Variants in PXDNL observed in about 807,000 individuals in gnomAD.
PXDNL encodes the protein probable oxidoreductase PXDNL.
A neutral mutation model predicts 150.8 loss-of-function variants in PXDNL; 145 were observed. That is an observed-to-expected ratio of 0.96 (90% CI 0.84 to 1.10). The LOEUF is 1.10. Ranked by LOEUF, PXDNL falls within the 50% of genes least tolerant of loss-of-function variation. The probability of loss-of-function intolerance (pLI) is 0.00; values close to 1 mark genes in which losing one functional copy is unlikely to be tolerated. For missense variants in PXDNL, 2,087 were observed against 1,873.9 expected (o/e 1.11, Z -2.10); for synonymous variants, 757 against 725.7 (o/e 1.04, Z -0.69).
At chr8:51,559,648 T>C in intron 3 of PXDNL, among the ~76,000 whole-genome samples, 1 of 151,920 alleles carries the variant, frequency 6.6e-6, no homozygotes, top group Non-Finnish European at 1.5e-5. Flanking sequence ...TTTTTACAGA[T>C]GAAGGGACTC....
chr8:51,582,893 T>TCAG (rs1489217830), intron 3 of PXDNL, among the ~76,000 whole-genome samples: 1 of 148,278 alleles, frequency 6.7e-6, no homozygotes, highest in East Asian at 2.0e-4. Context: ...AAAAAAAAAA[T>TCAG]CCTGGTAAAC....
At chr8:51,481,897 G>A (rs1439469598) in intron 6 of PXDNL, among the ~76,000 whole-genome samples, 1 of 152,218 alleles carries the variant, frequency 6.6e-6, no homozygotes, top group East Asian at 1.9e-4. Context: ...TTTGCTGCAG[G>A]GGTGGGGCCC....
intron 12 of PXDNL, among the ~76,000 whole-genome samples, chr8:51,428,602 A>G (rs917240342): frequency 6.6e-6 from 1 of 152,232 alleles, no homozygotes; most frequent in Admixed American, 6.5e-5. Context: ...AAAGAGCAGA[A>G]GCAGTTCACT....
intron 19 of PXDNL, among the ~76,000 whole-genome samples, chr8:51,366,869 G>A (rs58144747): frequency 0.1 from 15,678 of 151,942 alleles, 1,037 homozygotes; most frequent in East Asian, 0.28. Context: ...TTGGGAGGCC[G>A]AGGCAGGCAG....
At chr8:51,464,241 G>A (rs1810153027) in intron 8 of PXDNL, among the ~76,000 whole-genome samples, 1 of 152,144 alleles carries the variant, frequency 6.6e-6, no homozygotes, top group Non-Finnish European at 1.5e-5. Context: ...GCATGTGCCT[G>A]TAGTCTCAGC....
intron 4 of PXDNL, among the ~76,000 whole-genome samples, chr8:51,532,157 C>T (rs1811920660): frequency 6.6e-6 from 1 of 152,172 alleles, no homozygotes; most frequent in African/African-American, 2.4e-5. Context: ...ATAGCCTTCG[C>T]ATTAGAGGCA....
intron 17 of PXDNL, among the ~76,000 whole-genome samples, chr8:51,385,025 G>A (rs965546459): frequency 2.0e-5 from 3 of 152,142 alleles, no homozygotes; most frequent in Non-Finnish European, 4.4e-5. Context: ...TTGAGACTGA[G>A]ATAGACTTCC....
chr8:51,347,912 AT>A (rs967782873), intron 19 of PXDNL, among the ~76,000 whole-genome samples: 15 of 152,286 alleles, frequency 9.8e-5, no homozygotes, highest in Non-Finnish European at 1.3e-4. Context: ...TAAAAAAAAA[AT>A]ACATAGAAAT....
chr8:51,488,978 G>T (rs538374368), intron 5 of PXDNL, among the ~76,000 whole-genome samples: 1 of 151,984 alleles, frequency 6.6e-6, no homozygotes, highest in East Asian at 1.9e-4. Context: ...AAGACAAATC[G>T]GAAACAAGAA....
chr8:51,493,463 T>G (rs1348171799), intron 5 of PXDNL, among the ~76,000 whole-genome samples: 1 of 151,630 alleles, frequency 6.6e-6, no homozygotes, highest in African/African-American at 2.4e-5. Context: ...AGAGAAGGTG[T>G]CAGATGATCA....
At chr8:51,645,110 G>A (rs1814889093) in intron 2 of PXDNL, among the ~76,000 whole-genome samples, 1 of 152,106 alleles carries the variant, frequency 6.6e-6, no homozygotes, top group African/African-American at 2.4e-5. Context: ...GGCTGTTGGT[G>A]CAGATTCCAG....
intron 1 of PXDNL, among the ~76,000 whole-genome samples, chr8:51,739,271 A>C (rs2036876998): frequency 6.6e-6 from 1 of 152,142 alleles, no homozygotes; most frequent in Non-Finnish European, 1.5e-5. Flanking sequence ...AGCATCTATA[A>C]AAGTCCAACA....
chr8:51,763,798 A>G (rs2037194531), intron 1 of PXDNL, among the ~76,000 whole-genome samples: 1 of 152,208 alleles, frequency 6.6e-6, no homozygotes, highest in African/African-American at 2.4e-5. Context: ...AAAATTATCC[A>G]TGTTGTAGCA....
At chr8:51,498,170 C>G (rs1811101341) in intron 5 of PXDNL, among the ~76,000 whole-genome samples, 1 of 151,416 alleles carries the variant, frequency 6.6e-6, no homozygotes, top group Non-Finnish European at 1.5e-5. Context: ...TCTCAGCAAA[C>G]TATCGCAAGG....
intron 5 of PXDNL, among the ~76,000 whole-genome samples, chr8:51,494,575 A>C (rs1267017115): frequency 6.6e-6 from 1 of 152,130 alleles, no homozygotes; most frequent in African/African-American, 2.4e-5. Flanking sequence ...AAATAAAGGG[A>C]TGGAAGAAGA....
intron 3 of PXDNL, among the ~76,000 whole-genome samples, chr8:51,562,397 T>C (rs951971252): frequency 6.6e-6 from 1 of 152,022 alleles, no homozygotes; most frequent in Non-Finnish European, 1.5e-5. Flanking sequence ...AAAAATATTA[T>C]GTGAAATTTA....
chr8:51,410,862 A>G (rs926733918), intron 16 of PXDNL, among the ~76,000 whole-genome samples: 8 of 152,244 alleles, frequency 5.3e-5, no homozygotes, highest in Non-Finnish European at 1.5e-5. Context: ...TAAGTGGTAG[A>G]AGAAATTTCA....
At chr8:51,569,480 C>A (rs985354144) in intron 3 of PXDNL, among the ~76,000 whole-genome samples, 1 of 151,854 alleles carries the variant, frequency 6.6e-6, no homozygotes, top group Non-Finnish European at 1.5e-5. Flanking sequence ...ACACACATGA[C>A]AATTGTATGT....
At chr8:51,577,967 GAAA>G (rs1563471012) in intron 3 of PXDNL, among the ~76,000 whole-genome samples, 9 of 90,516 alleles carry the variant, frequency 9.9e-5, no homozygotes, top group East Asian at 5.3e-4. Flanking sequence ...AAGAAAGAAA[GAAA>G]GAAAGAAAGA....
Sources: gnomAD v4.1 joint callset for allele counts (sites outside exome capture counted in the v4.1 genomes callset) on GRCh38, gnomAD v4.1.1 for gene constraint, MANE v1.5 for transcripts, NCBI Gene and HGNC (gene_info 2026-07-23, HGNC 2026-07-21) for gene names.